Variants in VTA1 observed in about 807,000 individuals in gnomAD.
The protein encoded by VTA1 is vacuolar protein sorting-associated protein VTA1 homolog.
In VTA1, 24 loss-of-function variants were observed where a neutral mutation model predicts 36.9. The ratio of observed to expected loss-of-function variants is 0.65; its 90% CI spans 0.47 to 0.91. The LOEUF is 0.91. VTA1 is among the 40% of genes least tolerant of loss of function. The pLI, the probability that VTA1 is intolerant of heterozygous loss-of-function variation, is 0.00. For missense variants in VTA1, 393 were observed against 377.2 expected (o/e 1.04, Z -0.35); for synonymous variants, 142 against 130.2 (o/e 1.09, Z -0.62).
rs375402912 is a variant in VTA1 at position 142,170,302 on chromosome 6, A to G, written c.336-44A>G. The stretch of plus-strand genomic sequence containing the variant: ...AGCTAAATGACAAAACTACATTTTA[A>G]TGTGTTTCATATTTAAACTAGACCG... On this transcript the variant is annotated intron_variant, in intron 3 of 7. Transcript: ENST00000367630. 4 of 1,386,624 alleles carry G rather than the reference A, an allele frequency of 2.9e-6. No homozygotes were observed. The African/African-American group carries it at 5.0e-5, about 17-fold the overall frequency. 85.9% of individuals were successfully genotyped at this position (1,386,624 alleles called of 1,614,324 possible).
At chr6:142,186,656 G>A (rs1775344578) in intron 4 of VTA1, among the ~76,000 whole-genome samples, 1 of 152,150 alleles carries the variant, frequency 6.6e-6, no homozygotes, top group Admixed American at 6.5e-5. Context: ...AGGAGAGGTG[G>A]TAGGGGGATC....
intron 7 of VTA1, among the ~76,000 whole-genome samples, chr6:142,208,085 CAAAAAAAAA>C (rs567010868): frequency 2.0e-5 from 2 of 99,526 alleles, no homozygotes; most frequent in African/African-American, 4.1e-5. Context: ...AGACTTCCAT[CAAAAAAAAA>C]AAAAAAAAAA....
chr6:142,221,241 G>A lies in VTA1; in HGVS notation c.*2598G>A, dbSNP rs2114695684. On this transcript the variant is annotated 3_prime_UTR_variant, in exon 8 of 8. Transcript: ENST00000367630. ...ACTATGGGAACTTCTGTATTAAATA[G>A]TGATAAATGCTATGGAGGAAACATT... 1 of 152,344 alleles carries A rather than the reference G, an allele frequency of 6.6e-6. No individual in the cohort carries two copies. Among genetic ancestry groups the A allele is most frequent in the East Asian group, 1.9e-4 (1 of 5,190 alleles). 9.4% of individuals were successfully genotyped at this position (152,344 alleles called of 1,614,324 possible).
At chr6:142,203,677 AAAT>A (rs1461972539) in intron 6 of VTA1, among the ~76,000 whole-genome samples, 1 of 152,134 alleles carries the variant, frequency 6.6e-6, no homozygotes, top group Non-Finnish European at 1.5e-5. Context: ...CTTTATCACC[AAAT>A]TATTTAATTG....
In VTA1 at chr6:142,169,689, G is replaced by A; in HGVS notation, c.335+12G>A. ...GGACGATTTCACAAGTAAGTAAAGAGAAAAATAAAAATTATTTTATTAATT... is the reference window on the plus strand; with the variant it reads ...GGACGATTTCACAAGTAAGTAAAGAAAAAAATAAAAATTATTTTATTAATT... On this transcript the variant is annotated intron_variant, in intron 3 of 7. Coordinates refer to ENST00000367630, the MANE Select transcript of VTA1 (RefSeq NM_016485.5). 1 of 1,529,200 alleles carries A rather than the reference G, an allele frequency of 6.5e-7. No individual in the cohort carries two copies. The highest frequency in any genetic ancestry group is 8.7e-7 in the Non-Finnish European group (1 of 1,148,378). The allele number at this position is 1,529,200 out of a possible 1,614,324, so 94.7% of individuals were successfully genotyped here.
chr6:142,210,852 G>A lies in VTA1; in HGVS notation c.778+6787G>A, dbSNP rs141771807. Among the ~76,000 whole-genome samples, 18 of 150,152 alleles carry A rather than the reference G, an allele frequency of 1.2e-4. No individual in the cohort carries two copies. In the East Asian group the frequency reaches 3.0e-3, roughly 25 times the overall value. On this transcript the variant is annotated intron_variant, in intron 7 of 7. Coordinates refer to ENST00000367630, the MANE Select transcript of VTA1 (RefSeq NM_016485.5). ...AAAAGAAAGGAAATGAATATGCTGCGAGAAATCTACACTCTCATGTTTATC... is the reference window on the plus strand; with the variant it reads ...AAAAGAAAGGAAATGAATATGCTGCAAGAAATCTACACTCTCATGTTTATC...
chr6:142,168,985 G>A lies in VTA1; in HGVS notation c.208-565G>A, dbSNP rs568262800. Among the ~76,000 whole-genome samples, 229 of 151,826 alleles carry A rather than the reference G, an allele frequency of 1.5e-3. 2 individuals carry two copies. Among genetic ancestry groups the A allele is most frequent in the African/African-American group, 5.1e-3 (213 of 41,456 alleles). On this transcript the variant is annotated intron_variant, in intron 2 of 7. Transcript: ENST00000367630. ...GGGGTTTCACTGTGTTAGCCAGAATGGTCTCGATCTCCTGACCTCGTGATC... is the reference window on the plus strand; with the variant it reads ...GGGGTTTCACTGTGTTAGCCAGAATAGTCTCGATCTCCTGACCTCGTGATC...
chr6:142,197,141 T>A (rs1562266438), intron 5 of VTA1, among the ~76,000 whole-genome samples: 1 of 152,202 alleles, frequency 6.6e-6, no homozygotes, highest in Non-Finnish European at 1.5e-5. Context: ...CTAGTGCCTT[T>A]ATGTTGTGGA....
At chr6:142,168,237 G>T (rs747670962) in intron 2 of VTA1, among the ~76,000 whole-genome samples, 1 of 151,978 alleles carries the variant, frequency 6.6e-6, no homozygotes, top group Non-Finnish European at 1.5e-5. Flanking sequence ...TTGCAGTTTG[G>T]ATACACAAAT....
At position 142,209,622 on chromosome 6, in the gene VTA1, C is replaced by G. The variant is rs192034991; in HGVS notation, c.778+5557C>G. On this transcript the variant is annotated intron_variant, in intron 7 of 7. Coordinates refer to ENST00000367630, the MANE Select transcript of VTA1 (RefSeq NM_016485.5). Reference sequence around the variant, plus strand: ...TACAAAAAATGTAATACAAAAAATACAAATACAAAAAAAAATACCTGGGAA... The same window carrying G: ...TACAAAAAATGTAATACAAAAAATAGAAATACAAAAAAAAATACCTGGGAA... Among the ~76,000 whole-genome samples the G allele has an allele frequency of 2.2e-3, 289 of 129,512 alleles. 2 individuals are homozygous for G. The highest frequency in any genetic ancestry group is 8.0e-3 in the African/African-American group (279 of 34,676). 85.0% of individuals were successfully genotyped at this position (129,512 alleles called of 152,430 possible).
chr6:142,184,756 T>G (rs1417590739), intron 4 of VTA1, among the ~76,000 whole-genome samples: 1 of 152,158 alleles, frequency 6.6e-6, no homozygotes, highest in East Asian at 1.9e-4. Flanking sequence ...AATGCCAGAT[T>G]AAACTGTATT....
In VTA1 at chr6:142,198,545, T is replaced by C; in HGVS notation, c.627T>C (p.Tyr209=). The C allele has an allele frequency of 1.9e-6, 3 of 1,614,134 alleles. No individual in the cohort carries two copies. The highest frequency in any genetic ancestry group is 1.1e-5 in the South Asian group (1 of 91,082). Residue 209 remains tyrosine (Y), a synonymous_variant, in exon 6 of 8, where the codon TAT becomes TAC. Transcript: ENST00000367630. ...YDPSNMPSGN[Y]TGIQIPPGAH... Reference sequence around the variant, plus strand: ...CAAGCAACATGCCATCAGGCAACTATACTGGAATACAGATTCCTCCGGGTG... The same window carrying C: ...CAAGCAACATGCCATCAGGCAACTACACTGGAATACAGATTCCTCCGGGTG...
chr6:142,152,792 A>G (rs1040823455), intron 1 of VTA1, among the ~76,000 whole-genome samples: 2 of 152,138 alleles, frequency 1.3e-5, no homozygotes, highest in African/African-American at 4.8e-5. Context: ...ATAATCTTAG[A>G]GCATATAATA....
intron 1 of VTA1, among the ~76,000 whole-genome samples, chr6:142,159,417 C>A (rs981621012): frequency 1.3e-5 from 2 of 151,260 alleles, no homozygotes; most frequent in Non-Finnish European, 2.9e-5. Flanking sequence ...CCAGAGTTTA[C>A]TAATCTTTTC....
At chr6:142,210,163 G>A (rs995542942) in intron 7 of VTA1, among the ~76,000 whole-genome samples, 2 of 152,098 alleles carry the variant, frequency 1.3e-5, no homozygotes, top group Non-Finnish European at 2.9e-5. Context: ...ACATACAATG[G>A]GGAAAGGACA....
In VTA1 at chr6:142,153,342, G is replaced by GC. The variant is rs1778603147; in HGVS notation, c.112+5944dup. 2.0e-5 allele frequency among the ~76,000 whole-genome samples: 3 copies of GC among 151,186 alleles called. No homozygotes were observed. In the South Asian group the frequency reaches 6.4e-4, roughly 32 times the overall value. On this transcript the variant is annotated intron_variant, in intron 1 of 7. Coordinates refer to ENST00000367630, the MANE Select transcript of VTA1 (RefSeq NM_016485.5). ...TAAACAAACTATACAGTAATTCATA[G>GC]CTTTTTTTTTTAATGTTCTACCACA...
Position 142,218,876 on chromosome 6 carries a change from A to G in VTA1, c.*233A>G. On this transcript the variant is annotated 3_prime_UTR_variant, in exon 8 of 8. Coordinates refer to ENST00000367630, the MANE Select transcript of VTA1 (RefSeq NM_016485.5). ...TGAGTATATAGGGCTGATGTTAGCA[A>G]GACCCTAAAAATGTCCATTGAACCC... is the stretch of plus-strand genomic sequence containing the variant. 5.5e-6 allele frequency: 2 copies of G among 365,338 alleles called. No homozygotes were observed. Among genetic ancestry groups the G allele is most frequent in the Admixed American group, 9.8e-5 (2 of 20,500 alleles). 22.6% of individuals were successfully genotyped at this position (365,338 alleles called of 1,614,324 possible).
Position 142,178,300 on chromosome 6 carries a change from G to GA in VTA1, c.411+7887dup, listed in dbSNP as rs548212793. On this transcript the variant is annotated intron_variant, in intron 4 of 7. Coordinates refer to ENST00000367630, the MANE Select transcript of VTA1 (RefSeq NM_016485.5). ...AAATGACATATTTAAAGGGCTGAAA[G>GA]AAAAAAAATAAAACAAATGAACAAA... Among the ~76,000 whole-genome samples, 4 of 151,704 alleles carry GA rather than the reference G, an allele frequency of 2.6e-5. No homozygotes were observed. In the East Asian group the frequency reaches 5.8e-4, roughly 22 times the overall value.
intron 5 of VTA1, among the ~76,000 whole-genome samples, chr6:142,192,517 A>T (rs533697104): frequency 6.6e-6 from 1 of 152,204 alleles, no homozygotes; most frequent in South Asian, 2.1e-4. Flanking sequence ...TTTTGATACA[A>T]TGTTAAATTT....
Sources: gnomAD v4.1 joint callset for allele counts (sites outside exome capture counted in the v4.1 genomes callset) on GRCh38, gnomAD v4.1.1 for gene constraint, MANE v1.5 for transcripts, NCBI Gene and HGNC (gene_info 2026-07-23, HGNC 2026-07-21) for gene names.